EPHA3: variants seen among roughly 807,000 people sequenced by gnomAD.
EPHA3 encodes ephrin type-A receptor 3.
Under a neutral mutation model 107.1 loss-of-function variants are expected in EPHA3, and 42 were observed. The observed-to-expected ratio is 0.39, with a 90% CI of 0.31 to 0.51. The LOEUF is 0.51. Among genes scored for constraint, EPHA3 ranks in the 20% least tolerant of loss-of-function variants. The probability of loss-of-function intolerance (pLI) is 0.78; values close to 1 mark genes in which losing one functional copy is unlikely to be tolerated. For missense variants in EPHA3, 1,183 were observed against 1,211.2 expected (o/e 0.98, Z 0.35); for synonymous variants, 461 against 424.8 (o/e 1.09, Z -1.05).
At chr3:89,231,501 TA>T (rs992521767) in intron 3 of EPHA3, among the ~76,000 whole-genome samples, 47 of 152,326 alleles carry the variant, frequency 3.1e-4, no homozygotes, top group African/African-American at 1.1e-3. Context: ...ATCTAGCTCC[TA>T]ATTGTGTTGT....
chr3:89,472,383 C>T (rs2107575072), intron 15 of EPHA3, 81 bp from the exon 16 acceptor site: 1 of 1,417,094 alleles, frequency 7.1e-7, no homozygotes, highest in Non-Finnish European at 9.7e-7. Flanking sequence ...GAAGTTCCTG[C>T]CGATGTTAGT....
At chr3:89,417,481 CAA>C (rs1477002709) in intron 10 of EPHA3, among the ~76,000 whole-genome samples, 2 of 151,394 alleles carry the variant, frequency 1.3e-5, no homozygotes, top group Non-Finnish European at 3.0e-5. Context: ...CAAAGTGAAA[CAA>C]AGTAAATGGG....
chr3:89,436,492 G>C (rs958355732), intron 13 of EPHA3, among the ~76,000 whole-genome samples: 8 of 152,012 alleles, frequency 5.3e-5, no homozygotes, highest in South Asian at 4.1e-4. Context: ...GAAAGTTACT[G>C]CCTGTAGGTA....
chr3:89,360,162 C>G (rs1316537347), intron 5 of EPHA3, among the ~76,000 whole-genome samples: 1 of 150,524 alleles, frequency 6.6e-6, no homozygotes, highest in Non-Finnish European at 1.5e-5. Flanking sequence ...TTTGCTTCAT[C>G]CATATGCCAC....
At chr3:89,173,225 T>C (rs1362227061) in intron 2 of EPHA3, among the ~76,000 whole-genome samples, 1 of 152,098 alleles carries the variant, frequency 6.6e-6, no homozygotes, top group East Asian at 1.9e-4. Flanking sequence ...TGAATCTAAT[T>C]TGTATCCTTT....
intron 3 of EPHA3, among the ~76,000 whole-genome samples, chr3:89,286,119 CGTGTGTGTGTGTGT>C (rs373081017): frequency 1.5e-4 from 21 of 136,652 alleles, no homozygotes; most frequent in East Asian, 6.8e-4. Flanking sequence ...TCAATTTCTA[CGTGTGTGTGTGTGT>C]GTGTGTGTGT....
chr3:89,161,214 A>T (rs889785190), intron 2 of EPHA3, among the ~76,000 whole-genome samples: 10 of 141,786 alleles, frequency 7.1e-5, no homozygotes, highest in African/African-American at 2.4e-4. Flanking sequence ...AGAAACTAGA[A>T]TAAAAAAGGA....
At chr3:89,432,331 T>C (rs1709585292) in intron 13 of EPHA3, among the ~76,000 whole-genome samples, 1 of 152,212 alleles carries the variant, frequency 6.6e-6, no homozygotes, top group African/African-American at 2.4e-5. Context: ...ATCCATTTAA[T>C]TCAAAATGCA....
intron 10 of EPHA3, among the ~76,000 whole-genome samples, chr3:89,416,416 C>T (rs1031365905): frequency 2.0e-5 from 3 of 150,912 alleles, no homozygotes; most frequent in African/African-American, 7.3e-5. Flanking sequence ...TTGCATTTGC[C>T]CAGTCTTTGT....
At chr3:89,245,910 C>A (rs1166548574) in intron 3 of EPHA3, among the ~76,000 whole-genome samples, 1 of 152,126 alleles carries the variant, frequency 6.6e-6, no homozygotes, top group Non-Finnish European at 1.5e-5. Context: ...TTACGTAAAG[C>A]CCTGCAATAT....
intron 15 of EPHA3, among the ~76,000 whole-genome samples, chr3:89,452,764 C>G (rs1215328958): frequency 6.6e-6 from 1 of 152,100 alleles, no homozygotes; most frequent in Non-Finnish European, 1.5e-5. Flanking sequence ...AAAATTGTTA[C>G]CAAGACCAGT....
intron 2 of EPHA3, among the ~76,000 whole-genome samples, chr3:89,165,699 A>T (rs1229344768): frequency 6.6e-6 from 1 of 152,170 alleles, no homozygotes; most frequent in Non-Finnish European, 1.5e-5. Context: ...GCATCTTTAC[A>T]TACTCATCTT....
At chr3:89,458,477 G>A (rs1250163211) in intron 15 of EPHA3, among the ~76,000 whole-genome samples, 1 of 152,164 alleles carries the variant, frequency 6.6e-6, no homozygotes, top group Non-Finnish European at 1.5e-5. Flanking sequence ...AACAAAAACT[G>A]AGGGAATAGA....
At chr3:89,208,362 C>A (rs1576231114) in intron 2 of EPHA3, among the ~76,000 whole-genome samples, 1 of 88,290 alleles carries the variant, frequency 1.1e-5, no homozygotes, top group Non-Finnish European at 2.2e-5. Flanking sequence ...AGGAGCAAGA[C>A]TCTGTGAAAA....
intron 15 of EPHA3, among the ~76,000 whole-genome samples, chr3:89,460,834 T>C (rs1218648178): frequency 7.1e-6 from 1 of 140,480 alleles, no homozygotes; most frequent in African/African-American, 2.7e-5. Flanking sequence ...TTTTTTTTTT[T>C]TTTTATTATA....
At chr3:89,258,228 G>GACAT (rs1316696457) in intron 3 of EPHA3, among the ~76,000 whole-genome samples, 11 of 152,148 alleles carry the variant, frequency 7.2e-5, no homozygotes, top group Non-Finnish European at 1.5e-4. Context: ...ACAAAAACAG[G>GACAT]GGGCCATGGG....
At chr3:89,263,367 A>G (rs1705466770) in intron 3 of EPHA3, among the ~76,000 whole-genome samples, 1 of 152,190 alleles carries the variant, frequency 6.6e-6, no homozygotes, top group Non-Finnish European at 1.5e-5. Context: ...CTCCACCAGC[A>G]AGGGCAAAAG....
intron 3 of EPHA3, among the ~76,000 whole-genome samples, chr3:89,224,569 T>C (rs1259212850): frequency 6.6e-6 from 1 of 151,962 alleles, no homozygotes; most frequent in Non-Finnish European, 1.5e-5. Flanking sequence ...CACTTTTTGG[T>C]CAGACACGGT....
chr3:89,393,286 C>T (rs1363669907), intron 5 of EPHA3, among the ~76,000 whole-genome samples: 2 of 152,202 alleles, frequency 1.3e-5, no homozygotes, highest in African/African-American at 4.8e-5. Flanking sequence ...CAGGGTCCTG[C>T]AGCTTGCTCA....
Sources: allele counts gnomAD v4.1 joint callset (sites outside exome capture counted in the v4.1 genomes callset), GRCh38; gene constraint gnomAD v4.1.1; transcripts MANE v1.5; gene names NCBI Gene and HGNC (gene_info 2026-07-23, HGNC 2026-07-21).